Variants in AMBRA1 observed in about 807,000 individuals in gnomAD.
AMBRA1 encodes activating molecule in BECN1-regulated autophagy protein 1.
Under a neutral mutation model 125.4 loss-of-function variants are expected in AMBRA1, and 47 were observed. That is an observed-to-expected ratio of 0.37 (90% CI 0.30 to 0.48). AMBRA1 has a LOEUF of 0.48. Ranked by LOEUF, AMBRA1 falls within the 20% of genes least tolerant of loss-of-function variation. AMBRA1 has a pLI of 0.99. For missense variants in AMBRA1, 1,331 were observed against 1,693.4 expected, an observed-to-expected ratio of 0.79 and a Z score of 3.76; for synonymous variants, 626 against 655.5, an observed-to-expected ratio of 0.95 and a Z score of 0.69.
chr11:46,411,056 C>A (rs542182171), intron 15 of AMBRA1, among the ~76,000 whole-genome samples: 1 of 147,570 alleles, frequency 6.8e-6, no homozygotes, highest in African/African-American at 2.5e-5. Flanking sequence ...GCTGAGATCG[C>A]GCCACTGTAC....
intron 5 of AMBRA1, among the ~76,000 whole-genome samples, chr11:46,545,097 C>T (rs1291025085): frequency 1.5e-5 from 2 of 137,650 alleles, no homozygotes; most frequent in Non-Finnish European, 3.0e-5. Context: ...GTCATGACTG[C>T]ACAACTGTAC....
At position 46,508,220 on chromosome 11, in the gene AMBRA1, C is replaced by T; in HGVS notation, c.2310G>A (p.Glu770=). 6.2e-7 allele frequency: 1 copy of T among 1,614,136 alleles called. No individual in the cohort carries two copies. Among genetic ancestry groups the T allele is most frequent in the East Asian group, 2.2e-5 (1 of 44,876 alleles). Residue 770 remains glutamate (E), a synonymous_variant, in exon 9 of 18, where the codon GAG becomes GAA. Transcript: ENST00000683756. ...SSSDNQGPSV[E]GTDLEFEDFE... The stretch of plus-strand genomic sequence containing the variant: ...AGTCCTCAAATTCCAAGTCGGTTCC[C>T]TCTACTGATGGACCCTGGTTGTCTG...
At chr11:46,424,838 A>G (rs984098468) in intron 14 of AMBRA1, among the ~76,000 whole-genome samples, 2 of 151,966 alleles carry the variant, frequency 1.3e-5, no homozygotes, top group Admixed American at 1.3e-4. Flanking sequence ...TGTCTTAAAA[A>G]AAATTTTAAA....
At chr11:46,401,965 C>T (rs968955570) in intron 17 of AMBRA1, among the ~76,000 whole-genome samples, 1 of 152,192 alleles carries the variant, frequency 6.6e-6, no homozygotes, top group Non-Finnish European at 1.5e-5. Flanking sequence ...CTGCCCTGTC[C>T]CCCACATTCC....
At chr11:46,435,145 T>A in intron 12 of AMBRA1, 108 bp from the exon 13 acceptor site, 1 of 984,596 alleles carries the variant, frequency 1.0e-6, no homozygotes, top group Non-Finnish European at 1.5e-6. Flanking sequence ...GAACCTTGTC[T>A]AGAAATGCTA....
chr11:46,471,371 G>C (rs1300952998), intron 11 of AMBRA1, among the ~76,000 whole-genome samples: 2 of 152,150 alleles, frequency 1.3e-5, no homozygotes, highest in African/African-American at 4.8e-5. Context: ...AAGGTCAGGA[G>C]ATCGAGACCA....
At chr11:46,461,018 G>A (rs1233571234) in intron 11 of AMBRA1, among the ~76,000 whole-genome samples, 2 of 152,240 alleles carry the variant, frequency 1.3e-5, no homozygotes, top group South Asian at 2.1e-4. Flanking sequence ...TGAGGCGGGA[G>A]GACCCCTTGA....
At chr11:46,411,390 T>TGTCCCAGGAG (rs202077633) in intron 15 of AMBRA1, among the ~76,000 whole-genome samples, 2,140 of 152,318 alleles carry the variant, frequency 0.014, 51 homozygotes, top group African/African-American at 0.04. Context: ...CGAGGGACTG[T>TGTCCCAGGAG]GTCCCAGGAG....
chr11:46,541,168 C>T (rs768704634), intron 7 of AMBRA1, among the ~76,000 whole-genome samples: 6 of 152,168 alleles, frequency 3.9e-5, no homozygotes, highest in Non-Finnish European at 7.3e-5. Context: ...AAGATAGATG[C>T]GCACATAGCC....
chr11:46,403,334 G>C (rs968239438), intron 17 of AMBRA1, among the ~76,000 whole-genome samples: 3 of 152,082 alleles, frequency 2.0e-5, no homozygotes, highest in Admixed American at 2.0e-4. Context: ...CTTTTTCCTG[G>C]CCCAGGGCCC....
chr11:46,591,682 C>T (rs1178936817), intron 1 of AMBRA1, among the ~76,000 whole-genome samples: 2 of 151,914 alleles, frequency 1.3e-5, no homozygotes, highest in Non-Finnish European at 2.9e-5. Context: ...TGGTAAAACA[C>T]CATCTCTACT....
intron 7 of AMBRA1, among the ~76,000 whole-genome samples, chr11:46,534,277 G>C (rs1952359746): frequency 6.6e-6 from 1 of 151,606 alleles, no homozygotes; most frequent in Non-Finnish European, 1.5e-5. Context: ...CGGAGCACCA[G>C]AGGTCAGGAG....
chr11:46,441,003 A>G (rs1218093152), intron 12 of AMBRA1, among the ~76,000 whole-genome samples: 2 of 152,230 alleles, frequency 1.3e-5, no homozygotes, highest in Non-Finnish European at 2.9e-5. Context: ...ACAGTAATGT[A>G]CTACAAGGTT....
At chr11:46,441,428 C>A (rs950547860) in intron 12 of AMBRA1, among the ~76,000 whole-genome samples, 3 of 151,908 alleles carry the variant, frequency 2.0e-5, no homozygotes, top group African/African-American at 7.3e-5. Context: ...GCGGGAGAAT[C>A]GCATGAACCT....
chr11:46,534,997 G>A (rs1407491942), intron 7 of AMBRA1, among the ~76,000 whole-genome samples: 1 of 152,180 alleles, frequency 6.6e-6, no homozygotes, highest in Non-Finnish European at 1.5e-5. Flanking sequence ...TCTAAAGCCT[G>A]AGTTTACCTT....
intron 7 of AMBRA1, among the ~76,000 whole-genome samples, chr11:46,523,001 G>A (rs1411915961): frequency 6.6e-6 from 1 of 152,186 alleles, no homozygotes; most frequent in Non-Finnish European, 1.5e-5. Context: ...GAAAAGCAAA[G>A]CACAGTGTGC....
intron 1 of AMBRA1, among the ~76,000 whole-genome samples, chr11:46,566,232 A>G (rs560813467): frequency 2.0e-4 from 31 of 152,258 alleles, no homozygotes; most frequent in African/African-American, 7.2e-4. Flanking sequence ...TGGTCTGCCC[A>G]ACACGGTGAA....
Position 46,558,097 on chromosome 11 carries a change from G to A in AMBRA1, c.-120-9597C>T, listed in dbSNP as rs1000283251. 2.6e-5 allele frequency among the ~76,000 whole-genome samples: 4 copies of A among 152,108 alleles called. No homozygotes were observed. The East Asian group carries it at 5.8e-4, about 22-fold the overall frequency. On this transcript the variant is annotated intron_variant, in intron 1 of 17. Coordinates refer to ENST00000683756, the MANE Select transcript of AMBRA1 (RefSeq NM_001387011.1). ...GCCCAACCACCAGCTGAAAGCAGAC[G>A]CACAAAGCACAACTGATGTTACACA...
At chr11:46,498,984 C>T (rs1369584213) in intron 9 of AMBRA1, among the ~76,000 whole-genome samples, 3 of 152,172 alleles carry the variant, frequency 2.0e-5, no homozygotes, top group South Asian at 2.1e-4. Flanking sequence ...AACTGAGGCC[C>T]CAGTCTCTAC....
Sources: allele counts gnomAD v4.1 joint callset (sites outside exome capture counted in the v4.1 genomes callset), GRCh38; gene constraint gnomAD v4.1.1; transcripts MANE v1.5; gene names NCBI Gene and HGNC (gene_info 2026-07-23, HGNC 2026-07-21).